Variants in SEC24A observed in about 807,000 individuals in gnomAD.
SEC24A encodes the protein protein transport protein Sec24A.
In SEC24A, 93 loss-of-function variants were observed where a neutral mutation model predicts 129.4. That is an observed-to-expected ratio of 0.72 (90% confidence interval 0.61 to 0.85). The LOEUF is 0.85. Ranked by LOEUF, SEC24A falls within the 40% of genes least tolerant of loss-of-function variation. The pLI is 0.00. For missense variants in SEC24A, 1,264 were observed against 1,307.4 expected, an observed-to-expected ratio of 0.97 and a Z score of 0.51; for synonymous variants, 460 against 467.3, an observed-to-expected ratio of 0.98 and a Z score of 0.20.
At chr5:134,693,498 AC>A in intron 12 of SEC24A, 1 of 1,411,680 alleles carries the variant, frequency 7.1e-7, no homozygotes, top group Non-Finnish European at 9.2e-7. Context: ...TTGCTGGACT[AC>A]TGCATGTGCA....
At chr5:134,677,550 A>AAAAG (rs111555317) in intron 7 of SEC24A, among the ~76,000 whole-genome samples, 219 of 151,326 alleles carry the variant, frequency 1.4e-3, no homozygotes, top group African/African-American at 5.1e-3. Context: ...AAAAAAAAAA[A>AAAAG]ATAAAGGCCA....
chr5:134,672,013 T>C (rs1750882077), intron 4 of SEC24A, 127 bp downstream of exon 4: 15 of 619,552 alleles, frequency 2.4e-5, no homozygotes, highest in South Asian at 1.9e-4. Context: ...TACATACTAT[T>C]AACTTATTTA....
At chr5:134,715,259 C>G in intron 19 of SEC24A, 98 bp downstream of exon 19, 1 of 1,048,228 alleles carries the variant, frequency 9.5e-7, no homozygotes, top group Non-Finnish European at 1.4e-6. Context: ...TTATTTAAGG[C>G]TTTAGCTTTT....
At chr5:134,677,833 CAA>C (rs112969795) in intron 7 of SEC24A, among the ~76,000 whole-genome samples, 27 of 111,408 alleles carry the variant, frequency 2.4e-4, no homozygotes, top group Admixed American at 2.8e-4. Context: ...GAGACTGTCT[CAA>C]AAAAAAAAAA....
intron 18 of SEC24A, among the ~76,000 whole-genome samples, chr5:134,713,900 G>T (rs1413261949): frequency 6.6e-6 from 1 of 151,652 alleles, no homozygotes; most frequent in African/African-American, 2.4e-5. Flanking sequence ...AAATTAGCCG[G>T]GTGTGGTGTC....
intron 1 of SEC24A, among the ~76,000 whole-genome samples, chr5:134,654,244 G>A (rs1196316572): frequency 2.0e-5 from 3 of 151,164 alleles, no homozygotes; most frequent in African/African-American, 4.9e-5. Context: ...TTTTTGAGAC[G>A]GAGTCTCACG....
At chr5:134,712,301 A>T (rs902903995) in intron 18 of SEC24A, among the ~76,000 whole-genome samples, 1 of 150,602 alleles carries the variant, frequency 6.6e-6, no homozygotes, top group Non-Finnish European at 1.5e-5. Flanking sequence ...TCCGGGCTGG[A>T]GTGTAGTGAC....
intron 17 of SEC24A, 122 bp from the exon 18 acceptor site, chr5:134,708,591 G>A: frequency 1.2e-6 from 1 of 847,110 alleles, no homozygotes; most frequent in Non-Finnish European, 1.8e-6. Flanking sequence ...TCTCATTTGT[G>A]TATGTAGTAA....
intron 22 of SEC24A, 112 bp from the exon 23 acceptor site, chr5:134,724,868 G>A: frequency 6.3e-6 from 4 of 636,608 alleles, no homozygotes; most frequent in Non-Finnish European, 1.1e-5. Context: ...GCCTCTAGAA[G>A]TAACTGTTTA....
rs1437491864 is a variant in SEC24A, at chr5:134,725,330, T to G, written c.*236T>G. 1.5e-5 allele frequency: 5 copies of G among 323,336 alleles called. No individual in the cohort carries two copies. The highest frequency in any genetic ancestry group is 2.8e-5 in the Non-Finnish European group (5 of 179,250). The allele number at this position is 323,336 out of a possible 1,614,324, so 20.0% of individuals were successfully genotyped here. A position where few individuals can be genotyped will look rare whatever the true frequency, so the allele number is the denominator to read the frequency against. ...TATAGCTACGTATGATTGGATACTT[T>G]TTTCTTGCCAATTATGTTTGAGTTG... is the stretch of plus-strand genomic sequence containing the variant. On this transcript the variant is annotated 3_prime_UTR_variant, in exon 23 of 23. Coordinates refer to ENST00000398844, the MANE Select transcript of SEC24A (RefSeq NM_021982.3).
intron 8 of SEC24A, 67 bp downstream of exon 8, chr5:134,679,795 A>G: frequency 7.7e-7 from 1 of 1,306,018 alleles, no homozygotes; most frequent in Non-Finnish European, 1.0e-6. Context: ...AGATGATACA[A>G]ATGCACAGTT....
chr5:134,661,177 C>T lies in SEC24A; in HGVS notation c.156C>T (p.Phe52=), dbSNP rs531507809. The part of the protein sequence containing the change: ...SQESVSQGYN[F]QLPGSYPHPI... Reference sequence around the variant, plus strand: ...AGTCAGTGAGCCAAGGATACAATTTCCAGCTTCCAGGATCCTACCCTCATC... The same window carrying T: ...AGTCAGTGAGCCAAGGATACAATTTTCAGCTTCCAGGATCCTACCCTCATC... The change falls in exon 2 of 23, where the codon TTC becomes TTT. Residue 52 remains phenylalanine, a synonymous_variant. Coordinates refer to ENST00000398844, the MANE Select transcript of SEC24A (RefSeq NM_021982.3). 1 of 1,613,912 alleles carries T rather than the reference C, an allele frequency of 6.2e-7. No homozygotes were observed. The highest frequency in any genetic ancestry group is 2.2e-5 in the East Asian group (1 of 44,886).
At chr5:134,670,217 G>A (rs1272758246) in intron 3 of SEC24A, among the ~76,000 whole-genome samples, 3 of 152,122 alleles carry the variant, frequency 2.0e-5, no homozygotes, top group Admixed American at 6.6e-5. Context: ...AAGCGTCCAC[G>A]CCTTGCCTAC....
At chr5:134,681,442 T>TTGTGTGTGTGTG (rs34487329) in intron 8 of SEC24A, among the ~76,000 whole-genome samples, 8 of 143,788 alleles carry the variant, frequency 5.6e-5, no homozygotes, top group African/African-American at 2.0e-4. Flanking sequence ...GTTTTATTGT[T>TTGTGTGTGTGTG]TGTGTGTGTG....
intron 12 of SEC24A, 113 bp downstream of exon 12, chr5:134,692,770 A>G (rs1307980483): frequency 1.3e-6 from 1 of 772,944 alleles, no homozygotes; most frequent in Non-Finnish European, 2.3e-6. Flanking sequence ...TAAGATGTGT[A>G]GCATTTTATA....
At chr5:134,693,402 TG>T (rs1450554543) in intron 12 of SEC24A, 1 of 1,354,820 alleles carries the variant, frequency 7.4e-7, no homozygotes, top group African/African-American at 1.5e-5. Context: ...GTAGAGGTGA[TG>T]GAGAAGGCCA....
chr5:134,667,655 AAAAAAAAAAAAAAC>A (rs528701029), intron 3 of SEC24A, among the ~76,000 whole-genome samples: 117 of 147,996 alleles, frequency 7.9e-4, no homozygotes, highest in Admixed American at 3.4e-3. Flanking sequence ...CTCCGTCTCA[AAAAAAAAAAAAAAC>A]AAAAAAAAAA....
chr5:134,656,108 AG>A (rs1405159977), intron 1 of SEC24A, among the ~76,000 whole-genome samples: 1 of 141,024 alleles, frequency 7.1e-6, no homozygotes, highest in African/African-American at 2.6e-5. Flanking sequence ...TTTAAGACAG[AG>A]TCTTGCTCTG....
In SEC24A at chr5:134,726,542, C is replaced by T. The variant is rs958114455; in HGVS notation, c.*1448C>T. 6.6e-6 allele frequency: 1 copy of T among 152,508 alleles called. No homozygotes were observed. Among genetic ancestry groups the T allele is most frequent in the African/African-American group, 2.4e-5 (1 of 41,414 alleles). The allele number at this position is 152,508 out of a possible 1,614,324, so 9.4% of individuals were successfully genotyped here. On this transcript the variant is annotated 3_prime_UTR_variant, in exon 23 of 23. Coordinates refer to ENST00000398844, the MANE Select transcript of SEC24A (RefSeq NM_021982.3). ...TTGGGATAGGGAAGAAGCAGTCCCT[C>T]TACAGTATACAACTACTGCTTGCCA... is the stretch of plus-strand genomic sequence containing the variant.
Sources: allele counts gnomAD v4.1 joint callset (sites outside exome capture counted in the v4.1 genomes callset), GRCh38; gene constraint gnomAD v4.1.1; transcripts MANE v1.5; gene names NCBI Gene and HGNC (gene_info 2026-07-23, HGNC 2026-07-21).